Variants in CLCN5 observed in about 807,000 individuals in gnomAD.
CLCN5 encodes Cl-/H+ antiporter 5.
CLCN5 carries 17 observed loss-of-function variants against 54.0 expected under a neutral mutation model. The ratio of observed to expected loss-of-function variants is 0.31; its 90% confidence interval spans 0.22 to 0.47. The LOEUF (loss-of-function observed/expected upper bound fraction) is 0.47. Ranked by LOEUF, CLCN5 falls within the 20% of genes least tolerant of loss-of-function variation. The probability of loss-of-function intolerance (pLI) is 1.00; values close to 1 mark genes in which losing one functional copy is unlikely to be tolerated. For synonymous variants in CLCN5, 222 were observed against 233.0 expected (o/e 0.95, Z 0.43); for missense variants, 448 against 646.7 (o/e 0.69, Z 3.33).
intron 4 of CLCN5, among the ~76,000 whole-genome samples, chrX:50,063,692 C>A (rs1255179446): frequency 6.6e-5 from 7 of 106,842 alleles, no homozygotes; most frequent in African/African-American, 2.1e-4. Flanking sequence ...CAAAGCCAGG[C>A]AGAGACACAA....
At chrX:50,008,856 T>G (rs782438731) in intron 3 of CLCN5, 12 of 344,086 alleles carry the variant, frequency 3.5e-5, no homozygotes, top group Non-Finnish European at 5.8e-5. Context: ...AAGTCCCTAG[T>G]AAATGACACT....
At chrX:50,005,990 A>G (rs1293815539) in intron 3 of CLCN5, among the ~76,000 whole-genome samples, 1 of 112,276 alleles carries the variant, frequency 8.9e-6, no homozygotes, top group Non-Finnish European at 1.9e-5. Flanking sequence ...TGATTCCATT[A>G]TACTTCTGAT....
intron 3 of CLCN5, among the ~76,000 whole-genome samples, chrX:50,018,814 T>A (rs943713131): frequency 1.8e-5 from 2 of 112,358 alleles, no homozygotes; most frequent in African/African-American, 6.5e-5. Context: ...CACTTGGTCA[T>A]GATGTACATA....
At chrX:50,059,836 G>C (rs1932822253) in intron 4 of CLCN5, among the ~76,000 whole-genome samples, 1 of 108,623 alleles carries the variant, frequency 9.2e-6, no homozygotes, top group African/African-American at 3.4e-5. Flanking sequence ...TTCATTAAAA[G>C]TCAATAACGT....
Position 50,058,720 on chromosome X carries a change from A to C in CLCN5, c.164-11159A>C, listed in dbSNP as rs187246301. ...CCTTTTGGGGGCTTTTTGTTCTATC[A>C]TTCAAGTTGAGATCTAATTGTACTT... is the stretch of plus-strand genomic sequence containing the variant. On this transcript the variant is annotated intron_variant, in intron 4 of 14. Transcript: ENST00000376091. Among the ~76,000 whole-genome samples, 445 of 112,023 alleles carry C rather than the reference A, an allele frequency of 4.0e-3. 5 individuals are homozygous for C. The highest frequency in any genetic ancestry group is 0.013 in the African/African-American group (411 of 30,875).
chrX:50,049,053 ACCT>A (rs1434705263), intron 4 of CLCN5, among the ~76,000 whole-genome samples: 1 of 110,579 alleles, frequency 9.0e-6, no homozygotes, highest in Non-Finnish European at 1.9e-5. Flanking sequence ...CTTGTCTATA[ACCT>A]CCTACTCCAA....
intron 3 of CLCN5, among the ~76,000 whole-genome samples, chrX:50,017,683 A>AT (rs35130155): frequency 1.6e-3 from 162 of 103,898 alleles, no homozygotes; most frequent in South Asian, 2.5e-3. Context: ...CTCTAGATTC[A>AT]TTTTTTTTTT....
chrX:49,994,687 A>C (rs782066063), intron 3 of CLCN5, among the ~76,000 whole-genome samples: 3 of 111,939 alleles, frequency 2.7e-5, no homozygotes, highest in African/African-American at 6.5e-5. Flanking sequence ...CCAAGAGGAT[A>C]GATATTCCTG....
intron 7 of CLCN5, among the ~76,000 whole-genome samples, chrX:50,077,411 A>G (rs1933448161): frequency 9.1e-6 from 1 of 109,296 alleles, no homozygotes; most frequent in Non-Finnish European, 1.9e-5. Context: ...TTCAAAAATT[A>G]TATGTAAATA....
intron 3 of CLCN5, among the ~76,000 whole-genome samples, chrX:50,012,812 C>G (rs782747187): frequency 1.5e-4 from 17 of 111,825 alleles, no homozygotes; most frequent in Non-Finnish European, 3.2e-4. Flanking sequence ...CTGTACTTTA[C>G]CAAGGCTCTC....
intron 6 of CLCN5, among the ~76,000 whole-genome samples, chrX:50,074,335 G>A (rs113926528): frequency 0.06 from 6,684 of 111,010 alleles, 538 homozygotes; most frequent in African/African-American, 0.21. Flanking sequence ...CAGGGTAGGG[G>A]AAACCTAATA....
intron 4 of CLCN5, among the ~76,000 whole-genome samples, chrX:50,068,862 T>C (rs1006268405): frequency 1.8e-5 from 2 of 112,041 alleles, no homozygotes; most frequent in African/African-American, 6.5e-5. Flanking sequence ...CCAGTGTGCA[T>C]TTGCATAGAT....
chrX:50,027,084 G>A (rs1368198663), intron 3 of CLCN5, among the ~76,000 whole-genome samples: 6 of 104,031 alleles, frequency 5.8e-5, no homozygotes, highest in African/African-American at 1.4e-4. Context: ...GCTTAATCTC[G>A]GCTCACTGCA....
chrX:49,942,910 G>A (rs1161817617), intron 3 of CLCN5, among the ~76,000 whole-genome samples: 2 of 106,469 alleles, frequency 1.9e-5, no homozygotes, highest in Non-Finnish European at 3.9e-5. Flanking sequence ...AATCCTTTGG[G>A]TATATACCCA....
intron 3 of CLCN5, among the ~76,000 whole-genome samples, chrX:49,984,484 T>A (rs922347937): frequency 3.6e-5 from 4 of 112,375 alleles, no homozygotes; most frequent in African/African-American, 1.3e-4. Context: ...GATTATTATT[T>A]ATTTAATATT....
intron 3 of CLCN5, among the ~76,000 whole-genome samples, chrX:49,974,962 T>G (rs1021476396): frequency 2.7e-4 from 30 of 112,107 alleles, no homozygotes; most frequent in Middle Eastern, 4.6e-3. Context: ...TTTCATTGGC[T>G]TCTTTATACA....
intron 2 of CLCN5, among the ~76,000 whole-genome samples, chrX:49,924,145 ATTTT>A (rs34424526): frequency 3.6e-5 from 3 of 84,500 alleles, no homozygotes; most frequent in Non-Finnish European, 7.0e-5. Context: ...CCTAGCTCCT[ATTTT>A]TTTTTTTTTT....
chrX:50,036,065 T>A (rs1032941596), intron 3 of CLCN5, among the ~76,000 whole-genome samples: 1 of 112,030 alleles, frequency 8.9e-6, no homozygotes, highest in African/African-American at 3.2e-5. Context: ...TTCTCTAGAC[T>A]GACATGTCGT....
intron 3 of CLCN5, among the ~76,000 whole-genome samples, chrX:49,997,031 C>G (rs1006760587): frequency 1.8e-4 from 20 of 111,764 alleles, no homozygotes; most frequent in African/African-American, 5.5e-4. Context: ...TATAGCAGTG[C>G]CTCCCCCTCT....
Sources: gnomAD v4.1 joint callset for allele counts (sites outside exome capture counted in the v4.1 genomes callset) on GRCh38, gnomAD v4.1.1 for gene constraint, MANE v1.5 for transcripts, NCBI Gene and HGNC (gene_info 2026-07-23, HGNC 2026-07-21) for gene names.